The following EDA variants were observed in gnomAD, a reference collection of about 807,000 sequenced individuals.
The protein encoded by EDA is ectodysplasin A, also known as ectodysplasin-A.
A neutral mutation model predicts 23.6 loss-of-function variants in EDA; 2 were observed. The observed-to-expected ratio is 0.08, with a 90% CI of 0.03 to 0.27. The LOEUF is 0.27. EDA is among the 10% of genes least tolerant of loss of function. The pLI, the probability that EDA is intolerant of heterozygous loss-of-function variation, is 1.00. For missense variants in EDA, 229 were observed against 324.2 expected, an observed-to-expected ratio of 0.71 and a Z score of 2.26; for synonymous variants, 131 against 132.0, an observed-to-expected ratio of 0.99 and a Z score of 0.05.
At chrX:69,774,922 G>A (rs1039044845) in intron 1 of EDA, among the ~76,000 whole-genome samples, 2 of 111,302 alleles carry the variant, frequency 1.8e-5, no homozygotes, top group Admixed American at 9.6e-5. Context: ...ATTAAAGAAT[G>A]TCTTGTAGAA....
In EDA at chrX:70,035,672, A is replaced by G. The variant is rs2020258359; in HGVS notation, c.*63A>G. ...GGGTTTGGGAGCCAGGACTCCCAGA[A>G]CCTCTAAGTGCTGCTGTGGAGTGAG... On this transcript the variant is annotated 3_prime_UTR_variant, in exon 8 of 8. Coordinates refer to ENST00000374552, the MANE Select transcript of EDA (RefSeq NM_001399.5). 1 of 1,158,952 alleles carries G rather than the reference A, an allele frequency of 8.6e-7. No homozygotes were observed. The highest frequency in any genetic ancestry group is 1.8e-5 in the African/African-American group (1 of 55,462).
chrX:69,777,101 T>G (rs1331845234), intron 1 of EDA, among the ~76,000 whole-genome samples: 3 of 110,861 alleles, frequency 2.7e-5, no homozygotes, highest in Non-Finnish European at 5.7e-5. Flanking sequence ...GAGTCTTTTC[T>G]CCAGTAGCTT....
chrX:70,007,249 T>G (rs1425010183), intron 2 of EDA, among the ~76,000 whole-genome samples: 1 of 111,952 alleles, frequency 8.9e-6, no homozygotes, highest in Non-Finnish European at 1.9e-5. Flanking sequence ...TTAGAATCAG[T>G]TTGTTGATAC....
intron 1 of EDA, among the ~76,000 whole-genome samples, chrX:69,750,802 T>A (rs2013816845): frequency 2.7e-5 from 3 of 112,426 alleles, no homozygotes; most frequent in African/African-American, 9.7e-5. Flanking sequence ...CATGTGTCTG[T>A]GGGCTGCATA....
At chrX:69,896,653 A>G (rs2018020704) in intron 1 of EDA, among the ~76,000 whole-genome samples, 1 of 110,931 alleles carries the variant, frequency 9.0e-6, no homozygotes, top group African/African-American at 3.3e-5. Flanking sequence ...GAAGTTAAAA[A>G]CACTTACCTA....
intron 5 of EDA, 98 bp from the exon 6 acceptor site, chrX:70,030,371 A>G: frequency 1.3e-6 from 1 of 751,218 alleles, no homozygotes; most frequent in South Asian, 2.2e-5. Flanking sequence ...ATTGGATTAC[A>G]ATAGAAGACT....
intron 1 of EDA, among the ~76,000 whole-genome samples, chrX:69,833,954 C>A (rs1268545189): frequency 7.8e-5 from 6 of 76,596 alleles, no homozygotes; most frequent in African/African-American, 2.5e-4. Context: ...CCACCCCCCT[C>A]CCCCTACCCC....
At chrX:69,918,435 G>A (rs1022792123) in intron 1 of EDA, among the ~76,000 whole-genome samples, 1 of 111,685 alleles carries the variant, frequency 9.0e-6, no homozygotes, top group Non-Finnish European at 1.9e-5. Context: ...GGGATTACAG[G>A]TGTGAACCAC....
intron 1 of EDA, among the ~76,000 whole-genome samples, chrX:69,825,490 G>T (rs1309314812): frequency 6.3e-5 from 7 of 111,389 alleles, no homozygotes; most frequent in Admixed American, 5.7e-4. Context: ...TTGCATAGAG[G>T]TGTTTGTAGT....
intron 1 of EDA, among the ~76,000 whole-genome samples, chrX:69,766,871 G>A (rs1023888416): frequency 1.8e-5 from 2 of 112,287 alleles, no homozygotes; most frequent in Non-Finnish European, 1.9e-5. Context: ...TCACCACACT[G>A]CATTCCACAG....
At chrX:69,822,359 A>G (rs1158813722) in intron 1 of EDA, among the ~76,000 whole-genome samples, 2 of 111,486 alleles carry the variant, frequency 1.8e-5, no homozygotes, top group African/African-American at 3.3e-5. Flanking sequence ...GTCCAGAGAT[A>G]GTGTGATTTT....
chrX:69,714,061 C>T (rs750508621), intron 1 of EDA, among the ~76,000 whole-genome samples: 21 of 110,969 alleles, frequency 1.9e-4, no homozygotes, highest in Non-Finnish European at 3.0e-4. Flanking sequence ...TCTTTCTCCA[C>T]ATTCTTGCCA....
chrX:69,896,261 C>T (rs1433371647), intron 1 of EDA, among the ~76,000 whole-genome samples: 2 of 111,763 alleles, frequency 1.8e-5, no homozygotes, highest in African/African-American at 6.5e-5. Context: ...ACTTAATTAC[C>T]TCTTTAAATA....
At chrX:69,839,610 C>T (rs747481235) in intron 1 of EDA, among the ~76,000 whole-genome samples, 1 of 112,207 alleles carries the variant, frequency 8.9e-6, no homozygotes, top group Non-Finnish European at 1.9e-5. Context: ...TATGACCATC[C>T]ATGTATGATC....
At chrX:69,797,093 A>AT (rs778330858) in intron 1 of EDA, among the ~76,000 whole-genome samples, 5 of 111,534 alleles carry the variant, frequency 4.5e-5, no homozygotes, top group African/African-American at 1.6e-4. Flanking sequence ...ATAGGACACC[A>AT]TAAAGTGAAC....
intron 2 of EDA, among the ~76,000 whole-genome samples, chrX:69,994,084 T>C (rs2019625165): frequency 8.9e-6 from 1 of 111,868 alleles, no homozygotes; most frequent in Admixed American, 9.5e-5. Context: ...CTATCATTTT[T>C]TCCTCCTTTG....
chrX:69,889,081 T>G (rs193002200), intron 1 of EDA, among the ~76,000 whole-genome samples: 1 of 91,677 alleles, frequency 1.1e-5, no homozygotes, highest in East Asian at 3.8e-4. Flanking sequence ...GACAAGGGTT[T>G]CAATTTCTCC....
At chrX:69,828,609 C>G (rs2147534541) in intron 1 of EDA, among the ~76,000 whole-genome samples, 1 of 112,189 alleles carries the variant, frequency 8.9e-6, no homozygotes, top group East Asian at 2.8e-4. Context: ...TCTGGCACTC[C>G]CTAGTGAGAT....
chrX:69,623,934 G>A (rs1417032301), intron 1 of EDA, among the ~76,000 whole-genome samples: 2 of 110,663 alleles, frequency 1.8e-5, no homozygotes, highest in African/African-American at 6.5e-5. Context: ...TCCCATGAAA[G>A]GTAGATTAAT....
Sources: allele counts gnomAD v4.1 joint callset (sites outside exome capture counted in the v4.1 genomes callset), GRCh38; gene constraint gnomAD v4.1.1; transcripts MANE v1.5; gene names NCBI Gene and HGNC (gene_info 2026-07-23, HGNC 2026-07-21).